The following CFAP74 variants were observed in gnomAD, a reference collection of about 807,000 sequenced individuals.
The protein encoded by CFAP74 is cilia- and flagella-associated protein 74.
Under a neutral mutation model 188.9 loss-of-function variants are expected in CFAP74, and 124 were observed. That is an observed-to-expected ratio of 0.66 (90% CI 0.57 to 0.76). The LOEUF (loss-of-function observed/expected upper bound fraction) is 0.76. CFAP74 is among the 30% of genes least tolerant of loss of function. The pLI, the probability that CFAP74 is intolerant of heterozygous loss-of-function variation, is 0.00. For missense variants in CFAP74, 2,198 were observed against 2,165.2 expected, an observed-to-expected ratio of 1.02 and a Z score of -0.30; for synonymous variants, 956 against 916.7, an observed-to-expected ratio of 1.04 and a Z score of -0.77.
At chr1:1,953,933 G>C (rs1373491513) in intron 18 of CFAP74, 3 of 152,258 alleles carry the variant, frequency 2.0e-5, no homozygotes, top group Admixed American at 2.0e-4. Flanking sequence ...CTCGGAGGCA[G>C]CACCTGCAAC....
Position 1,923,445 on chromosome 1 carries a change from C to T in CFAP74, c.4444G>A (p.Val1482Met), listed in dbSNP as rs145205436. ...KGAACQHMMFVEGGDPLDVPV... is the reference protein window; with the variant it reads ...KGAACQHMMFMEGGDPLDVPV... ...ACGTCCAGGGGGTCGCCGCCCTCCA[C>T]GAACATCATGTGCTGACAGGCGGCA... Residue 1482 changes from valine to methionine, a missense_variant, in exon 36 of 39, where the codon GTG becomes ATG. Val to Met is a conservative substitution (Grantham distance 21). Coordinates refer to ENST00000682832, the MANE Select transcript of CFAP74 (RefSeq NM_001304360.2). This position sits in a 1 kb window ranked among gnomAD's most constrained non-coding sequence, Gnocchi z 6.3. 4.0e-5 allele frequency: 65 copies of T among 1,610,718 alleles called. No homozygotes were observed. Among genetic ancestry groups the T allele is most frequent in the African/African-American group, 1.3e-4 (10 of 74,884 alleles).
At chr1:2,002,055 G>A (rs1260210957) in intron 1 of CFAP74, among the ~76,000 whole-genome samples, 5 of 152,186 alleles carry the variant, frequency 3.3e-5, no homozygotes, top group Admixed American at 1.3e-4. Flanking sequence ...ACAGGCTGAG[G>A]GGTAAACACG....
chr1:1,960,212 T>C, intron 14 of CFAP74, 182 bp from the exon 15 acceptor site: 1 of 598,242 alleles, frequency 1.7e-6, no homozygotes. Context: ...CTGCCGCCAG[T>C]ACCTGGCAGG....
Position 1,942,899 on chromosome 1 carries a change from T to C in CFAP74, c.2487-743A>G, listed in dbSNP as rs1653483263. 1.3e-5 allele frequency among the ~76,000 whole-genome samples: 2 copies of C among 152,156 alleles called. No individual in the cohort carries two copies. The highest frequency in any genetic ancestry group is 2.9e-5 in the Non-Finnish European group (2 of 68,016). On this transcript the variant is annotated intron_variant, in intron 21 of 38. Transcript: ENST00000682832. The surrounding 1 kb of genome is among the most constrained non-coding windows in gnomAD (Gnocchi z 4.3). ...AAATCTCCTCCCTCCTGTGCTTCCA[T>C]GCGACAGTCACCCATGCTGTGGCAG...
At chr1:1,964,375 T>C (rs930421789) in intron 13 of CFAP74, among the ~76,000 whole-genome samples, 3 of 152,236 alleles carry the variant, frequency 2.0e-5, no homozygotes, top group Non-Finnish European at 2.9e-5. Flanking sequence ...GCACCCCCAT[T>C]GCTCAGACTG....
chr1:1,925,246 GGGC>G (rs1651782449), intron 33 of CFAP74, among the ~76,000 whole-genome samples: 2 of 149,178 alleles, frequency 1.3e-5, no homozygotes, highest in African/African-American at 5.0e-5. Context: ...GAAGGCATGA[GGGC>G]ACACAGGGCA....
intron 6 of CFAP74, among the ~76,000 whole-genome samples, chr1:1,981,792 T>A (rs13303185): frequency 1.2e-4 from 7 of 58,842 alleles, no homozygotes; most frequent in Admixed American, 2.3e-4. Context: ...CCAGCCGCGG[T>A]CACACGCGGG....
intron 1 of CFAP74, among the ~76,000 whole-genome samples, chr1:1,992,580 T>C (rs1437709856): frequency 6.6e-6 from 1 of 151,694 alleles, no homozygotes; most frequent in Non-Finnish European, 1.5e-5. Flanking sequence ...TTCACGCCCC[T>C]CTCCTGTCTC....
At chr1:1,954,788 A>C in intron 18 of CFAP74, 1 of 1,105,296 alleles carries the variant, frequency 9.0e-7, no homozygotes, top group Admixed American at 5.2e-5. Flanking sequence ...CAACATAAAA[A>C]GAACTCACTT....
intron 18 of CFAP74, among the ~76,000 whole-genome samples, chr1:1,951,175 C>T (rs1312780455): frequency 6.6e-6 from 1 of 152,182 alleles, no homozygotes; most frequent in African/African-American, 2.4e-5. Flanking sequence ...GCACGTCTCA[C>T]ACAGCGGCAG....
intron 20 of CFAP74, among the ~76,000 whole-genome samples, chr1:1,944,706 A>C (rs1322173423): frequency 6.6e-6 from 1 of 152,112 alleles, no homozygotes. Flanking sequence ...TCCCGCGTTC[A>C]AGCAATTCTC....
chr1:1,993,757 T>C (rs78295311), intron 1 of CFAP74, among the ~76,000 whole-genome samples: 34 of 53,464 alleles, frequency 6.4e-4, no homozygotes, highest in Admixed American at 3.9e-3. Context: ...CCGAGGCAGG[T>C]GGATCACGAG....
At chr1:1,963,098 A>G (rs1053628042) in intron 14 of CFAP74, among the ~76,000 whole-genome samples, 40 of 152,160 alleles carry the variant, frequency 2.6e-4, no homozygotes, top group African/African-American at 9.2e-4. Context: ...CACTGAAAAC[A>G]CTGGCTAATT....
chr1:1,970,575 A>G, intron 10 of CFAP74, 84 bp downstream of exon 10: 2 of 1,443,478 alleles, frequency 1.4e-6, no homozygotes, highest in African/African-American at 1.4e-5. Context: ...GCTTTGCTCA[A>G]TGTGAAGCCG....
chr1:1,967,987 AAT>A (rs1485281505), intron 11 of CFAP74, among the ~76,000 whole-genome samples: 158 of 150,390 alleles, frequency 1.1e-3, no homozygotes, highest in African/African-American at 3.0e-3. Flanking sequence ...GTAAAGAATG[AAT>A]GAGTGAATGA....
intron 19 of CFAP74, among the ~76,000 whole-genome samples, chr1:1,946,753 C>T (rs918165014): frequency 2.0e-5 from 3 of 152,212 alleles, no homozygotes; most frequent in Admixed American, 6.5e-5. Flanking sequence ...GCCCCACACC[C>T]GGGAAACAAT....
At chr1:1,977,850 C>CTGTTGTTGAGA (rs1232202931) in intron 6 of CFAP74, among the ~76,000 whole-genome samples, 1 of 152,172 alleles carries the variant, frequency 6.6e-6, no homozygotes, top group Non-Finnish European at 1.5e-5. Flanking sequence ...TTTGTTGTTG[C>CTGTTGTTGAGA]TGTTGTTGAG....
At chr1:1,931,893 T>A (rs1452336789) in intron 25 of CFAP74, among the ~76,000 whole-genome samples, 1 of 147,834 alleles carries the variant, frequency 6.8e-6, no homozygotes, top group Non-Finnish European at 1.5e-5. Context: ...TGAAACCCAA[T>A]CTCTACTGAA....
rs575865592 is a variant in CFAP74, at chr1:1,988,980, A to G, written c.68-7T>C. ...TCCTCTAATTCATCTCTTTCTAGAA[A>G]TCAAGGCAAGAGTTTAAAAAAAAAA... On this transcript the variant is annotated splice_region_variant and splice_polypyrimidine_tract_variant and intron_variant, in intron 2 of 38. Coordinates refer to ENST00000682832, the MANE Select transcript of CFAP74 (RefSeq NM_001304360.2). 12 of 1,420,990 alleles carry G rather than the reference A, an allele frequency of 8.4e-6. No individual in the cohort carries two copies. In the African/African-American group the frequency reaches 8.6e-5, roughly 10 times the overall value. 88.0% of individuals were successfully genotyped at this position (1,420,990 alleles called of 1,614,324 possible).
Sources: gnomAD v4.1 joint callset for allele counts (sites outside exome capture counted in the v4.1 genomes callset) on GRCh38, gnomAD v4.1.1 for gene constraint, Gnocchi (gnomAD v3.1) non-coding constraint, MANE v1.5 for transcripts, NCBI Gene and HGNC (gene_info 2026-07-23, HGNC 2026-07-21) for gene names.